Variants in ARHGAP15 observed in about 807,000 individuals in gnomAD.
ARHGAP15 encodes Rho GTPase activating protein 15.
A neutral mutation model predicts 63.7 loss-of-function variants in ARHGAP15; 51 were observed. The ratio of observed to expected loss-of-function variants is 0.80; its 90% CI spans 0.64 to 1.01. ARHGAP15 has a LOEUF of 1.01. Among genes scored for constraint, ARHGAP15 ranks in the 50% least tolerant of loss-of-function variants. The pLI is 0.00. For synonymous variants in ARHGAP15, 191 were observed against 193.8 expected, an observed-to-expected ratio of 0.99 and a Z score of 0.12; for missense variants, 560 against 564.6, an observed-to-expected ratio of 0.99 and a Z score of 0.08.
chr2:143,761,545 A>G (rs893619803), intron 13 of ARHGAP15, among the ~76,000 whole-genome samples: 1 of 152,212 alleles, frequency 6.6e-6, no homozygotes, highest in African/African-American at 2.4e-5. Flanking sequence ...ATCTGTTTGG[A>G]GCTGAACTAT....
intron 4 of ARHGAP15, among the ~76,000 whole-genome samples, chr2:143,224,820 T>C (rs891745665): frequency 1.3e-5 from 2 of 152,146 alleles, no homozygotes; most frequent in Admixed American, 6.5e-5. Flanking sequence ...TCCCCTGATA[T>C]GCTAAGAACT....
chr2:143,446,836 T>A (rs1025625291), intron 8 of ARHGAP15, among the ~76,000 whole-genome samples: 1 of 142,806 alleles, frequency 7.0e-6, no homozygotes, highest in African/African-American at 2.6e-5. Context: ...TGTCCATGTG[T>A]TCTCATTGTT....
intron 3 of ARHGAP15, among the ~76,000 whole-genome samples, chr2:143,215,965 T>G (rs1284891523): frequency 6.6e-6 from 1 of 152,218 alleles, no homozygotes; most frequent in Non-Finnish European, 1.5e-5. Context: ...AGTTACCTGG[T>G]CCCATTGAAG....
chr2:143,574,528 C>T (rs916769040), intron 11 of ARHGAP15, among the ~76,000 whole-genome samples: 77 of 151,966 alleles, frequency 5.1e-4, no homozygotes, highest in Admixed American at 2.3e-3. Context: ...AAAATATGAG[C>T]GTCTTCTTGA....
chr2:143,586,676 TA>T (rs910099636), intron 11 of ARHGAP15, among the ~76,000 whole-genome samples: 24 of 136,542 alleles, frequency 1.8e-4, no homozygotes, highest in East Asian at 6.9e-4. Flanking sequence ...AATATGTAAA[TA>T]TTTTTTTTTT....
chr2:143,745,683 T>C (rs1175839899), intron 13 of ARHGAP15, among the ~76,000 whole-genome samples: 2 of 152,238 alleles, frequency 1.3e-5, no homozygotes, highest in Non-Finnish European at 2.9e-5. Context: ...TATTTTGCAA[T>C]TGATGGCTGT....
At chr2:143,281,389 G>A (rs1414828029) in intron 6 of ARHGAP15, among the ~76,000 whole-genome samples, 1 of 152,114 alleles carries the variant, frequency 6.6e-6, no homozygotes, top group Non-Finnish European at 1.5e-5. Flanking sequence ...AAGGAGCATA[G>A]CAAGATGAGT....
chr2:143,398,776 AT>A (rs11413032), intron 6 of ARHGAP15, among the ~76,000 whole-genome samples: 1 of 148,932 alleles, frequency 6.7e-6, no homozygotes, highest in African/African-American at 2.5e-5. Context: ...AAAAATCCTC[AT>A]TTTTTTTTTT....
intron 9 of ARHGAP15, among the ~76,000 whole-genome samples, chr2:143,495,869 TC>T: frequency 6.6e-6 from 1 of 152,344 alleles, no homozygotes. Context: ...TCAGTGTTAG[TC>T]TGAGAATAAT....
intron 2 of ARHGAP15, among the ~76,000 whole-genome samples, chr2:143,196,028 CTT>C (rs1218429386): frequency 6.6e-6 from 1 of 152,036 alleles, no homozygotes; most frequent in Non-Finnish European, 1.5e-5. Context: ...GAAAAACTGA[CTT>C]TTTAATTCCT....
At chr2:143,310,287 AT>A (rs1683381436) in intron 6 of ARHGAP15, among the ~76,000 whole-genome samples, 1 of 152,062 alleles carries the variant, frequency 6.6e-6, no homozygotes, top group African/African-American at 2.4e-5. Context: ...AAAAGCTGAC[AT>A]TTTTGCAAGA....
intron 9 of ARHGAP15, among the ~76,000 whole-genome samples, chr2:143,514,050 T>C (rs1208401421): frequency 6.6e-6 from 1 of 152,238 alleles, no homozygotes; most frequent in African/African-American, 2.4e-5. Context: ...CCTGCTTGGC[T>C]TAGTGTAGTG....
At chr2:143,262,850 C>T (rs116146105) in intron 6 of ARHGAP15, among the ~76,000 whole-genome samples, 3 of 152,022 alleles carry the variant, frequency 2.0e-5, no homozygotes, top group Admixed American at 2.0e-4. Flanking sequence ...AGAACTCTCC[C>T]GTATCCCAAG....
chr2:143,215,871 C>T (rs1468698360), intron 3 of ARHGAP15, among the ~76,000 whole-genome samples: 1 of 152,172 alleles, frequency 6.6e-6, no homozygotes, highest in Non-Finnish European at 1.5e-5. Flanking sequence ...TAATGAGATA[C>T]TGCTACTACA....
intron 6 of ARHGAP15, among the ~76,000 whole-genome samples, chr2:143,408,503 T>A (rs1688309787): frequency 6.6e-6 from 1 of 151,752 alleles, no homozygotes; most frequent in Non-Finnish European, 1.5e-5. Context: ...ATCTAAAAGT[T>A]GAGATTAGAT....
chr2:143,372,734 T>G (rs1686615105), intron 6 of ARHGAP15, among the ~76,000 whole-genome samples: 1 of 152,176 alleles, frequency 6.6e-6, no homozygotes, highest in Non-Finnish European at 1.5e-5. Flanking sequence ...TGAAGCTCAT[T>G]CACAGGCCTC....
chr2:143,474,352 T>G (rs1338482926), intron 8 of ARHGAP15, among the ~76,000 whole-genome samples: 1 of 152,214 alleles, frequency 6.6e-6, no homozygotes, highest in Non-Finnish European at 1.5e-5. Flanking sequence ...TGCATAATTA[T>G]GCATACAAAT....
At chr2:143,601,138 G>A (rs1252622947) in intron 11 of ARHGAP15, among the ~76,000 whole-genome samples, 4 of 152,090 alleles carry the variant, frequency 2.6e-5, no homozygotes, top group Non-Finnish European at 5.9e-5. Flanking sequence ...GAACTGCTGA[G>A]TTTGAAGGAA....
At chr2:143,711,691 G>A (rs1049826125) in intron 13 of ARHGAP15, among the ~76,000 whole-genome samples, 19 of 152,260 alleles carry the variant, frequency 1.2e-4, no homozygotes, top group African/African-American at 2.6e-4. Flanking sequence ...CACTTTCAGC[G>A]GTTGAGGAGG....
Sources: allele counts gnomAD v4.1 joint callset (sites outside exome capture counted in the v4.1 genomes callset), GRCh38; gene constraint gnomAD v4.1.1; transcripts MANE v1.5; gene names NCBI Gene and HGNC (gene_info 2026-07-23, HGNC 2026-07-21).